The following PDXDC1 variants were observed in gnomAD, a reference collection of about 807,000 sequenced individuals.
PDXDC1 encodes pyridoxal-dependent decarboxylase domain-containing protein 1.
Under a neutral mutation model 100.1 loss-of-function variants are expected in PDXDC1, and 42 were observed. The observed-to-expected ratio is 0.42, with a 90% CI of 0.33 to 0.54. The LOEUF is 0.54. Among genes scored for constraint, PDXDC1 ranks in the 20% least tolerant of loss-of-function variants. The pLI, the probability that PDXDC1 is intolerant of heterozygous loss-of-function variation, is 0.10. For missense variants in PDXDC1, 636 were observed against 979.2 expected (o/e 0.65, Z 4.68); for synonymous variants, 260 against 371.7 (o/e 0.70, Z 3.46).
intron 16 of PDXDC1, among the ~76,000 whole-genome samples, chr16:15,049,454 A>T (rs2044213202): frequency 6.6e-6 from 1 of 151,034 alleles, no homozygotes; most frequent in South Asian, 2.1e-4. Flanking sequence ...TTTGAGACAG[A>T]GTCTCGCTCT....
intron 16 of PDXDC1, among the ~76,000 whole-genome samples, chr16:15,089,227 G>A (rs1422800376): frequency 1.3e-5 from 2 of 151,904 alleles, no homozygotes; most frequent in Non-Finnish European, 2.9e-5. Context: ...GGAGGCAGAG[G>A]TTGCAGTGAG....
Position 15,036,239 on chromosome 16 carries a change from C to T in PDXDC1, c.2331C>T (p.Asp777=), listed in dbSNP as rs764015167. 6.2e-7 allele frequency: 1 copy of T among 1,613,964 alleles called. No homozygotes were observed. The highest frequency in any genetic ancestry group is 8.5e-7 in the Non-Finnish European group (1 of 1,179,870). ...FQKGVPHPED[D]HSQVEGPESL... ...AAGGGGTCCCACACCCAGAAGATGA[C>T]CACTCACAGGTAGAAGGACCGGAGA... is the stretch of plus-strand genomic sequence containing the variant. Residue 777 remains aspartate, a synonymous_variant, in exon 23 of 23, where the codon GAC becomes GAT. Coordinates refer to ENST00000396410, the MANE Select transcript of PDXDC1 (RefSeq NM_015027.4).
chr16:15,146,176 C>G, the PDXDC1 span, among the ~76,000 whole-genome samples: 2 of 152,182 alleles, frequency 1.3e-5, no homozygotes, highest in East Asian at 1.9e-4. Context: ...AGGAGATCCA[C>G]AGAGATGGCT....
chr16:15,035,682 A>C, intron 22 of PDXDC1, 129 bp downstream of exon 22: 1 of 605,350 alleles, frequency 1.7e-6, no homozygotes, highest in Non-Finnish European at 2.9e-6. Flanking sequence ...CATCTCTTTA[A>C]CCATCTTGGT....
chr16:15,150,346 A>ACAATAAAT, the PDXDC1 span, among the ~76,000 whole-genome samples: 2 of 124,716 alleles, frequency 1.6e-5, no homozygotes, highest in Non-Finnish European at 3.7e-5. Context: ...ATCTCAAATA[A>ACAATAAAT]CAATAAATAA....
downstream of PDXDC1, among the ~76,000 whole-genome samples, chr16:15,140,482 G>A (rs999506538): frequency 6.6e-6 from 1 of 151,400 alleles, no homozygotes; most frequent in Non-Finnish European, 1.5e-5. Flanking sequence ...AAGGACGGAG[G>A]GCGAGAGGGA....
intron 13 of PDXDC1, among the ~76,000 whole-genome samples, chr16:15,023,471 A>G (rs1156874377): frequency 6.6e-6 from 1 of 152,278 alleles, no homozygotes; most frequent in Non-Finnish European, 1.5e-5. Flanking sequence ...CAGTAGGTTT[A>G]TTTTTCTTTT....
chr16:15,034,660 C>T, intron 21 of PDXDC1, 107 bp downstream of exon 21: 1 of 826,874 alleles, frequency 1.2e-6, no homozygotes, highest in South Asian at 1.5e-5. Context: ...GGTTCCCGTT[C>T]TTCATCACTG....
intron 1 of PDXDC1, among the ~76,000 whole-genome samples, chr16:14,992,717 A>G (rs1971112547): frequency 6.6e-6 from 1 of 152,288 alleles, no homozygotes; most frequent in African/African-American, 2.4e-5. Context: ...AACAGGAGTC[A>G]GGGACCCTAG....
chr16:15,064,740 G>A (rs747256652), intron 16 of PDXDC1, among the ~76,000 whole-genome samples: 4 of 152,216 alleles, frequency 2.6e-5, no homozygotes, highest in Admixed American at 2.0e-4. Flanking sequence ...GTCCTGCTAG[G>A]CATCCTCTAC....
intron 6 of PDXDC1, among the ~76,000 whole-genome samples, chr16:15,006,816 A>G (rs1205935612): frequency 1.3e-5 from 2 of 152,286 alleles, no homozygotes; most frequent in Non-Finnish European, 2.9e-5. Context: ...ACTTTAATCG[A>G]AGGGGGTGTG....
intron 16 of PDXDC1, among the ~76,000 whole-genome samples, chr16:15,093,369 A>C (rs1402209910): frequency 6.6e-6 from 1 of 152,144 alleles, no homozygotes; most frequent in Non-Finnish European, 1.5e-5. Context: ...GAAATCTCAA[A>C]AGCTCCTTCT....
chr16:15,090,239 TA>T (rs937953528), intron 16 of PDXDC1, among the ~76,000 whole-genome samples: 11 of 147,358 alleles, frequency 7.5e-5, no homozygotes, highest in East Asian at 2.0e-4. Flanking sequence ...AATCAGCATG[TA>T]AAAAAAAAAC....
rs1173414154 is a variant in PDXDC1, at chr16:15,111,223, G to A, written c.1400-27656G>A. Among the ~76,000 whole-genome samples the A allele has an allele frequency of 4.0e-5, 6 of 148,696 alleles. 1 individual carries two copies. Among genetic ancestry groups the A allele is most frequent in the South Asian group, 2.2e-4 (1 of 4,602 alleles). ...CGTAATCCCAGCACTTTGGGAGGCC[G>A]AGGCAGGCGGATCACCTGAGGTCGG... On this transcript the variant is annotated intron_variant, in intron 16 of 16. Coordinates refer to the PDXDC1 transcript ENST00000535621.
At chr16:15,109,709 G>T (rs1347323194) in intron 16 of PDXDC1, among the ~76,000 whole-genome samples, 1 of 112,958 alleles carries the variant, frequency 8.9e-6, no homozygotes, top group African/African-American at 3.6e-5. Context: ...AAAATTGGCC[G>T]AATGTGGCGG....
intron 9 of PDXDC1, 101 bp downstream of exon 9, chr16:15,016,314 G>T (rs2041793888): frequency 1.3e-6 from 2 of 1,537,796 alleles, no homozygotes; most frequent in African/African-American, 1.4e-5. Flanking sequence ...TATCACGAAG[G>T]GCTCTTTGGG....
chr16:15,127,881 C>T (rs1158982162), intron 16 of PDXDC1: 2 of 1,554,212 alleles, frequency 1.3e-6, no homozygotes, highest in South Asian at 1.2e-5. Flanking sequence ...GCCGGAAGCG[C>T]AACAGGGCTG....
Position 15,031,719 on chromosome 16 carries a change from T to C in PDXDC1, c.1400-16T>C, listed in dbSNP as rs370511987. 1.0e-5 allele frequency: 16 copies of C among 1,600,872 alleles called. No individual in the cohort carries two copies. In the African/African-American group the frequency reaches 1.2e-4, roughly 12 times the overall value. On this transcript the variant is annotated splice_polypyrimidine_tract_variant and intron_variant, in intron 16 of 22. Coordinates refer to ENST00000396410, the MANE Select transcript of PDXDC1 (RefSeq NM_015027.4). Reference sequence around the variant, plus strand: ...CCATCTCGTGAGCATTTCTCTGACATTGTGAACATCTTCAGTTTTAGGAAC... The same window carrying C: ...CCATCTCGTGAGCATTTCTCTGACACTGTGAACATCTTCAGTTTTAGGAAC...
intron 6 of PDXDC1, among the ~76,000 whole-genome samples, chr16:15,007,698 G>A (rs1346021580): frequency 4.6e-5 from 7 of 152,392 alleles, no homozygotes; most frequent in Non-Finnish European, 1.0e-4. Context: ...AAGAAATTAT[G>A]TCCTCTTCTT....
Sources: allele counts gnomAD v4.1 joint callset (sites outside exome capture counted in the v4.1 genomes callset), GRCh38; gene constraint gnomAD v4.1.1; transcripts MANE v1.5; gene names NCBI Gene and HGNC (gene_info 2026-07-23, HGNC 2026-07-21).